TRAPPC9: variants seen among roughly 807,000 people sequenced by gnomAD.
TRAPPC9 encodes the protein IKK2 binding protein.
TRAPPC9 carries 83 observed loss-of-function variants against 124.0 expected under a neutral mutation model. The ratio of observed to expected loss-of-function variants is 0.67; its 90% confidence interval spans 0.56 to 0.80. TRAPPC9 has a LOEUF of 0.80. Ranked by LOEUF, TRAPPC9 falls within the 30% of genes least tolerant of loss-of-function variation. The probability of loss-of-function intolerance (pLI) is 0.00; values close to 1 mark genes in which losing one functional copy is unlikely to be tolerated. For synonymous variants in TRAPPC9, 638 were observed against 617.5 expected (o/e 1.03, Z -0.49); for missense variants, 1,302 against 1,508.3 (o/e 0.86, Z 2.27).
intron 9 of TRAPPC9, among the ~76,000 whole-genome samples, chr8:140,350,262 G>GCCTGTATTCAGCA (rs1032887387): frequency 1.3e-5 from 2 of 152,118 alleles, no homozygotes; most frequent in African/African-American, 4.8e-5. Flanking sequence ...TGTATTCAGC[G>GCCTGTATTCAGCA]ACGTCTGCTG....
chr8:139,858,661 T>C (rs1302127981), intron 21 of TRAPPC9, among the ~76,000 whole-genome samples: 1 of 151,930 alleles, frequency 6.6e-6, no homozygotes, highest in Non-Finnish European at 1.5e-5. Flanking sequence ...AGGGGCCCCC[T>C]CCCCAAGAGT....
At chr8:140,144,181 G>T (rs1431491367) in intron 17 of TRAPPC9, among the ~76,000 whole-genome samples, 1 of 152,146 alleles carries the variant, frequency 6.6e-6, no homozygotes, top group African/African-American at 2.4e-5. Flanking sequence ...CCTTCTTCTA[G>T]TATATGAATT....
chr8:140,125,993 C>T (rs1363375779), intron 17 of TRAPPC9, among the ~76,000 whole-genome samples: 1 of 151,956 alleles, frequency 6.6e-6, no homozygotes, highest in East Asian at 1.9e-4. Flanking sequence ...AGGATAGTCT[C>T]GATCTCTTGA....
chr8:139,821,866 C>T (rs1205335824), intron 21 of TRAPPC9, among the ~76,000 whole-genome samples: 7 of 152,172 alleles, frequency 4.6e-5, no homozygotes, highest in Non-Finnish European at 1.0e-4. Flanking sequence ...AAGGTAGCAG[C>T]TGGAGTTCTC....
chr8:139,844,359 T>C (rs912696007), intron 21 of TRAPPC9, among the ~76,000 whole-genome samples: 4 of 152,220 alleles, frequency 2.6e-5, no homozygotes, highest in African/African-American at 7.2e-5. Context: ...GGTGGCCCCC[T>C]GCTTTGTCCT....
intron 7 of TRAPPC9, among the ~76,000 whole-genome samples, chr8:140,383,211 G>GA (rs1339391052): frequency 2.0e-5 from 3 of 152,120 alleles, no homozygotes; most frequent in Non-Finnish European, 2.9e-5. Flanking sequence ...CAAAGATGGG[G>GA]AAAAAACAGA....
chr8:139,788,605 A>G lies in TRAPPC9; in HGVS notation c.3056-56403T>C, dbSNP rs79688195. Among the ~76,000 whole-genome samples, 986 of 152,260 alleles carry G rather than the reference A, an allele frequency of 6.5e-3. 14 individuals are homozygous for G. Among genetic ancestry groups the G allele is most frequent in the African/African-American group, 0.022 (927 of 41,564 alleles). ...GGCCACTCCACGACAGCCCATGAAG[A>G]ACGGTACCCACCCCCGCCCCCGTGT... On this transcript the variant is annotated intron_variant, in intron 21 of 22. Coordinates refer to ENST00000438773, the MANE Select transcript of TRAPPC9 (RefSeq NM_001160372.4). This position sits in a 1 kb window ranked among gnomAD's most constrained non-coding sequence, Gnocchi z 4.9.
At chr8:140,156,492 T>C (rs1226779059) in intron 17 of TRAPPC9, among the ~76,000 whole-genome samples, 3 of 152,244 alleles carry the variant, frequency 2.0e-5, no homozygotes, top group African/African-American at 7.2e-5. Context: ...ATTTTTTAAT[T>C]ACATATTTAT....
At chr8:139,807,684 T>C (rs889423451) in intron 21 of TRAPPC9, among the ~76,000 whole-genome samples, 2 of 152,194 alleles carry the variant, frequency 1.3e-5, no homozygotes, top group African/African-American at 4.8e-5. Context: ...GGTTCTGTGT[T>C]ACAGCTCCTC....
intron 21 of TRAPPC9, among the ~76,000 whole-genome samples, chr8:139,785,626 G>A (rs1360301836): frequency 6.6e-6 from 1 of 151,910 alleles, no homozygotes; most frequent in East Asian, 1.9e-4. Flanking sequence ...CTACTCGGGA[G>A]GCTGAGGCAC....
intron 15 of TRAPPC9, among the ~76,000 whole-genome samples, chr8:140,266,682 A>C (rs1287406854): frequency 1.3e-4 from 20 of 151,156 alleles, no homozygotes; most frequent in Non-Finnish European, 2.1e-4. Context: ...CATGGTGCAA[A>C]CCCATCTCTA....
chr8:139,869,910 A>G, intron 21 of TRAPPC9, among the ~76,000 whole-genome samples: 1 of 152,222 alleles, frequency 6.6e-6, no homozygotes, highest in African/African-American at 2.4e-5. Flanking sequence ...AAGAGTAGAA[A>G]CAGGGACCAC....
rs73725305 is a variant in TRAPPC9, at chr8:139,892,879, T to C, written c.2965-6910A>G. On this transcript the variant is annotated intron_variant, in intron 20 of 22. Coordinates refer to ENST00000438773, the MANE Select transcript of TRAPPC9 (RefSeq NM_001160372.4). Reference sequence around the variant, plus strand: ...CTCCTCTGCTGTAGAAGCTGCACCATCACTGGCACCCAGTCGTCTATCAGC... The same window carrying C: ...CTCCTCTGCTGTAGAAGCTGCACCACCACTGGCACCCAGTCGTCTATCAGC... Among the ~76,000 whole-genome samples the C allele has an allele frequency of 2.7e-3, 410 of 152,274 alleles. 4 individuals carry two copies. Among genetic ancestry groups the C allele is most frequent in the African/African-American group, 9.6e-3 (397 of 41,556 alleles).
At chr8:140,404,906 ATGCGTGTGTGTGTGTG>A (rs1564002454) in intron 6 of TRAPPC9, among the ~76,000 whole-genome samples, 4 of 59,648 alleles carry the variant, frequency 6.7e-5, no homozygotes, top group Non-Finnish European at 1.6e-4. Context: ...GTGTGTGAGC[ATGCGTGTGTGTGTGTG>A]TGTGTGTGTG....
intron 19 of TRAPPC9, among the ~76,000 whole-genome samples, chr8:139,982,221 T>C (rs1836953142): frequency 6.6e-6 from 1 of 152,186 alleles, no homozygotes; most frequent in Admixed American, 6.5e-5. Context: ...TGTTTCCGGT[T>C]GTGCATGGAA....
chr8:140,342,230 C>T (rs534625769), intron 9 of TRAPPC9, among the ~76,000 whole-genome samples: 1 of 152,292 alleles, frequency 6.6e-6, no homozygotes, highest in East Asian at 1.9e-4. Context: ...CAAGATCCTT[C>T]GTGACATTGC....
Position 140,063,273 on chromosome 8 carries a change from T to C in TRAPPC9, c.2557-39194A>G, listed in dbSNP as rs1323374105. On this transcript the variant is annotated intron_variant, in intron 17 of 22. Coordinates refer to ENST00000438773, the MANE Select transcript of TRAPPC9 (RefSeq NM_001160372.4). This position sits in a 1 kb window ranked among gnomAD's most constrained non-coding sequence, Gnocchi z 4.3. ...AAGCCTAAGCATATCACCAACACAT[T>C]TTGGTTTTCAGTTACTCCTCTTTGG... is the stretch of plus-strand genomic sequence containing the variant. 6.6e-6 allele frequency among the ~76,000 whole-genome samples: 1 copy of C among 152,288 alleles called. No individual in the cohort carries two copies. Among genetic ancestry groups the C allele is most frequent in the East Asian group, 1.9e-4 (1 of 5,176 alleles).
At chr8:140,158,482 C>A (rs1465914566) in intron 17 of TRAPPC9, among the ~76,000 whole-genome samples, 2 of 152,192 alleles carry the variant, frequency 1.3e-5, no homozygotes, top group Non-Finnish European at 2.9e-5. Context: ...CCCAAGAGTG[C>A]TGGGAGTGAA....
intron 17 of TRAPPC9, among the ~76,000 whole-genome samples, chr8:140,156,937 T>TC (rs2061642641): frequency 6.7e-6 from 1 of 149,508 alleles, no homozygotes; most frequent in South Asian, 2.1e-4. Flanking sequence ...TGGAAAAGCC[T>TC]CCCTTTCCAT....
Sources: allele counts gnomAD v4.1 joint callset (sites outside exome capture counted in the v4.1 genomes callset), GRCh38; gene constraint gnomAD v4.1.1; non-coding constraint Gnocchi (gnomAD v3.1); transcripts MANE v1.5; gene names NCBI Gene and HGNC (gene_info 2026-07-23, HGNC 2026-07-21).